Variants in GSN observed in about 807,000 individuals in gnomAD.
GSN encodes gelsolin.
Under a neutral mutation model 85.7 loss-of-function variants are expected in GSN, and 56 were observed. The observed-to-expected ratio is 0.65, with a 90% CI of 0.53 to 0.82. The LOEUF is 0.82. Among genes scored for constraint, GSN ranks in the 40% least tolerant of loss-of-function variants. The pLI, the probability that GSN is intolerant of heterozygous loss-of-function variation, is 0.00. For synonymous variants in GSN, 373 were observed against 399.1 expected (o/e 0.93, Z 0.78); for missense variants, 857 against 979.8 (o/e 0.87, Z 1.67).
chr9:121,234,558 T>C (rs148693208), intron 5 of GSN, among the ~76,000 whole-genome samples: 131 of 152,310 alleles, frequency 8.6e-4, no homozygotes, highest in African/African-American at 3.0e-3. Flanking sequence ...ACTGCCACTT[T>C]TGCCATGAAG....
chr9:121,244,714 G>T (rs1409249607), intron 5 of GSN, among the ~76,000 whole-genome samples: 2 of 152,142 alleles, frequency 1.3e-5, no homozygotes, highest in Non-Finnish European at 2.9e-5. Flanking sequence ...ATAAATGATG[G>T]TACATCCCCC....
chr9:121,308,189 G>A (rs763330217), intron 4 of GSN, among the ~76,000 whole-genome samples: 51 of 152,266 alleles, frequency 3.3e-4, no homozygotes, highest in Non-Finnish European at 6.6e-4. Flanking sequence ...GGAAAGATAG[G>A]TTGTTAGCTC....
intron 10 of GSN, among the ~76,000 whole-genome samples, chr9:121,320,779 C>G (rs1471460603): frequency 6.6e-6 from 1 of 152,136 alleles, no homozygotes; most frequent in African/African-American, 2.4e-5. Flanking sequence ...AGAGCAGTCC[C>G]TTTGTGCCGG....
chr9:121,240,732 G>A (rs1001883074), intron 5 of GSN, among the ~76,000 whole-genome samples: 1 of 152,142 alleles, frequency 6.6e-6, no homozygotes, highest in Non-Finnish European at 1.5e-5. Flanking sequence ...AGTGAGGGGC[G>A]GCCACTAAAG....
chr9:121,303,099 G>GA (rs2060063581), intron 4 of GSN, 34 bp downstream of exon 4: 1 of 1,605,618 alleles, frequency 6.2e-7, no homozygotes, highest in Non-Finnish European at 8.5e-7. Flanking sequence ...GAGCGGTAGG[G>GA]ACAGATGCAC....
intron 5 of GSN, among the ~76,000 whole-genome samples, chr9:121,246,174 C>A (rs10760163): frequency 0.38 from 57,436 of 151,736 alleles, 13,495 homozygotes; most frequent in East Asian, 0.62. Context: ...TATTTAGTGG[C>A]AATTGTAAAA....
At chr9:121,227,478 C>T (rs1167953661) in intron 4 of GSN, among the ~76,000 whole-genome samples, 1 of 152,020 alleles carries the variant, frequency 6.6e-6, no homozygotes, top group Admixed American at 6.6e-5. Flanking sequence ...TAATTGGACC[C>T]AAGTAGGTGG....
At position 121,287,193 on chromosome 9, in the gene GSN, TGGGGCCTCTG is replaced by T. The variant is rs909382128; in HGVS notation, c.-10+5634_-10+5643del. ...TGTTTTTCCTAAGAAGTTTCCTCTGTGGGGCCTCTGGGTGACTCAGCCCTGAGTCACCGGG... is the reference window on the plus strand; with the variant it reads ...TGTTTTTCCTAAGAAGTTTCCTCTGTGGTGACTCAGCCCTGAGTCACCGGG... On this transcript the variant is annotated intron_variant, in intron 2 of 17. Transcript: ENST00000432226. Among the ~76,000 whole-genome samples the T allele has an allele frequency of 3.5e-4, 53 of 152,086 alleles. 1 individual carries two copies. The highest frequency in any genetic ancestry group is 1.0e-3 in the African/African-American group (42 of 41,482).
Position 121,326,572 on chromosome 9 carries a change from A to G in GSN, c.1477A>G (p.Met493Val), listed in dbSNP as rs757093131. The change falls in exon 13 of 18, where the codon ATG becomes GTG. Residue 493 changes from methionine to valine, a missense_variant. By Grantham distance (21) the Met-to-Val change is conservative. Transcript: ENST00000432226. ...CATGAGCCTGTTTGGTGGGAAGCCC[A>G]TGATCATCTACAAGGGCGGCACCTC... ...HLMSLFGGKP[M>V]IIYKGGTSRE... The G allele has an allele frequency of 6.2e-7, 1 of 1,613,886 alleles. No individual in the cohort carries two copies. Among genetic ancestry groups the G allele is most frequent in the Non-Finnish European group, 8.5e-7 (1 of 1,179,904 alleles).
chr9:121,217,798 GTATTATTATTATTAT>G (rs202182690), intron 4 of GSN, among the ~76,000 whole-genome samples: 16 of 143,380 alleles, frequency 1.1e-4, no homozygotes, highest in East Asian at 8.2e-4. Context: ...ATATAGAAAT[GTATTATTATTATTAT>G]TATTATTATT....
In GSN at chr9:121,299,752, G is replaced by T. The variant is rs1287437675; in HGVS notation, c.-9-2211G>T. 8.8e-7 allele frequency: 1 copy of T among 1,132,530 alleles called. No homozygotes were observed. Among genetic ancestry groups the T allele is most frequent in the Non-Finnish European group, 1.1e-6 (1 of 908,656 alleles). The allele number at this position is 1,132,530 out of a possible 1,614,324, so 70.2% of individuals were successfully genotyped here. A position where few individuals can be genotyped will look rare whatever the true frequency, so the allele number is the denominator to read the frequency against. ...GATCCGAGACAGATCCCCGCCCCGC[G>T]CCCTCCCTGGGGGGCGGTCCCCGGC... On this transcript the variant is annotated intron_variant, in intron 2 of 17. Transcript: ENST00000432226. The surrounding 1 kb of genome is among the most constrained non-coding windows in gnomAD (Gnocchi z 4.2).
At chr9:121,258,647 C>T (rs10513365) in intron 6 of GSN, among the ~76,000 whole-genome samples, 57,518 of 151,618 alleles carry the variant, frequency 0.38, 13,567 homozygotes, top group East Asian at 0.62. Flanking sequence ...CTTGCCTACT[C>T]GTTAAAAGGC....
At chr9:121,211,761 C>T (rs1031521410) in intron 4 of GSN, among the ~76,000 whole-genome samples, 1 of 152,094 alleles carries the variant, frequency 6.6e-6, no homozygotes, top group South Asian at 2.1e-4. Flanking sequence ...CAGGGCAGTT[C>T]AAGTAGATGG....
intron 4 of GSN, among the ~76,000 whole-genome samples, chr9:121,215,693 CAA>C (rs199936004): frequency 8.0e-6 from 1 of 124,530 alleles, no homozygotes; most frequent in Admixed American, 8.1e-5. Context: ...GACTCTGTTT[CAA>C]AAAAAAAAAA....
At position 121,310,674 on chromosome 9, in the gene GSN, G is replaced by C. The variant is rs757396275; in HGVS notation, c.352-10G>C. ...TCCCCTGGGCTAATGCTGTCTCTTT[G>C]GCCCCACAGAAAGGAGGTGTGGCAT... On this transcript the variant is annotated splice_polypyrimidine_tract_variant and intron_variant, in intron 4 of 17. Transcript: ENST00000432226. The C allele has an allele frequency of 1.7e-5, 27 of 1,613,606 alleles. No individual in the cohort carries two copies. Among genetic ancestry groups the C allele is most frequent in the Middle Eastern group, 3.3e-4 (2 of 6,060 alleles).
At chr9:121,319,416 C>A (rs937421242) in intron 10 of GSN, among the ~76,000 whole-genome samples, 1 of 152,038 alleles carries the variant, frequency 6.6e-6, no homozygotes, top group Admixed American at 6.5e-5. Flanking sequence ...ATCCTCTAAC[C>A]AGTGGGTGCT....
At chr9:121,231,609 A>T (rs903260230) in intron 5 of GSN, among the ~76,000 whole-genome samples, 3 of 152,218 alleles carry the variant, frequency 2.0e-5, no homozygotes, top group African/African-American at 7.2e-5. Context: ...AGCCAATTCA[A>T]CTGAGAGCTG....
intron 4 of GSN, chr9:121,309,602 A>G (rs1258132014): frequency 6.6e-6 from 1 of 152,156 alleles, no homozygotes; most frequent in Non-Finnish European, 1.5e-5. Context: ...TTGAAGGATG[A>G]GAAAGATTTG....
chr9:121,317,397 A>G (rs1172285064), intron 8 of GSN, 179 bp downstream of exon 8: 1 of 686,058 alleles, frequency 1.5e-6, no homozygotes, highest in Admixed American at 2.2e-5. Flanking sequence ...TGGGCACTTT[A>G]CTTACCCTTT....
Sources: allele counts gnomAD v4.1 joint callset (sites outside exome capture counted in the v4.1 genomes callset), GRCh38; gene constraint gnomAD v4.1.1; non-coding constraint Gnocchi (gnomAD v3.1); transcripts MANE v1.5; gene names NCBI Gene and HGNC (gene_info 2026-07-23, HGNC 2026-07-21).